CNTNAP2: variants seen among roughly 807,000 people sequenced by gnomAD.
CNTNAP2 encodes the protein contactin associated protein 2.
Under a neutral mutation model 155.2 loss-of-function variants are expected in CNTNAP2, and 98 were observed. The ratio of observed to expected loss-of-function variants is 0.63; its 90% CI spans 0.54 to 0.75. The LOEUF (loss-of-function observed/expected upper bound fraction) is 0.75, where lower values mean the gene tolerates loss of function less well. Ranked by LOEUF, CNTNAP2 falls within the 30% of genes least tolerant of loss-of-function variation. CNTNAP2 has a pLI of 0.00. For synonymous variants in CNTNAP2, 651 were observed against 631.2 expected, an observed-to-expected ratio of 1.03 and a Z score of -0.47; for missense variants, 1,727 against 1,688.1, an observed-to-expected ratio of 1.02 and a Z score of -0.40.
intron 18 of CNTNAP2, among the ~76,000 whole-genome samples, chr7:148,209,151 C>T (rs1421321584): frequency 6.6e-6 from 1 of 152,098 alleles, no homozygotes; most frequent in Non-Finnish European, 1.5e-5. Flanking sequence ...GTTGAAACAG[C>T]ATCTCACTCT....
intron 13 of CNTNAP2, among the ~76,000 whole-genome samples, chr7:147,757,616 C>CT (rs1204457928): frequency 3.2e-4 from 49 of 150,952 alleles, no homozygotes; most frequent in Middle Eastern, 3.4e-3. Context: ...TGTTTTTGTT[C>CT]TTTTTTTTTA....
At chr7:147,626,275 G>A (rs543740992) in intron 12 of CNTNAP2, among the ~76,000 whole-genome samples, 1 of 152,198 alleles carries the variant, frequency 6.6e-6, no homozygotes, top group South Asian at 2.1e-4. Context: ...TAGTGGGGAA[G>A]TCTATGTCCT....
At chr7:147,037,455 CTTTTTTT>C (rs941052179) in intron 3 of CNTNAP2, among the ~76,000 whole-genome samples, 5 of 134,662 alleles carry the variant, frequency 3.7e-5, no homozygotes, top group Non-Finnish European at 6.4e-5. Context: ...TTTTTTTTCC[CTTTTTTT>C]TTTTTTTTTT....
intron 21 of CNTNAP2, among the ~76,000 whole-genome samples, chr7:148,341,300 A>G (rs1331420087): frequency 6.6e-6 from 1 of 150,626 alleles, no homozygotes; most frequent in Non-Finnish European, 1.5e-5. Flanking sequence ...TTTTTTAATC[A>G]GTAGCTGAGC....
chr7:146,131,020 G>T (rs1364966066), intron 1 of CNTNAP2, among the ~76,000 whole-genome samples: 4 of 152,042 alleles, frequency 2.6e-5, no homozygotes, highest in Admixed American at 2.6e-4. Flanking sequence ...GATTTGGGTG[G>T]GTTCACAGAG....
intron 8 of CNTNAP2, among the ~76,000 whole-genome samples, chr7:147,172,279 A>C (rs1293597769): frequency 6.6e-6 from 1 of 152,172 alleles, no homozygotes; most frequent in Non-Finnish European, 1.5e-5. Flanking sequence ...AGGTTACCTA[A>C]ATCACATTTA....
intron 21 of CNTNAP2, among the ~76,000 whole-genome samples, chr7:148,343,111 CT>C (rs1466152530): frequency 6.6e-6 from 1 of 152,246 alleles, no homozygotes; most frequent in Non-Finnish European, 1.5e-5. Flanking sequence ...AATGAAGTGT[CT>C]GAGGTCCCCG....
At chr7:146,154,869 C>T (rs530405019) in intron 1 of CNTNAP2, among the ~76,000 whole-genome samples, 2 of 152,270 alleles carry the variant, frequency 1.3e-5, no homozygotes, top group Middle Eastern at 3.4e-3. Flanking sequence ...AGAGCCAAAA[C>T]AGAGAGTTTT....
intron 15 of CNTNAP2, among the ~76,000 whole-genome samples, chr7:148,018,529 A>G (rs1802221174): frequency 6.6e-6 from 1 of 152,254 alleles, no homozygotes; most frequent in African/African-American, 2.4e-5. Flanking sequence ...TGAAACAAGG[A>G]ATAAAATGGA....
At chr7:147,371,122 G>A (rs369524250) in intron 9 of CNTNAP2, among the ~76,000 whole-genome samples, 8 of 151,998 alleles carry the variant, frequency 5.3e-5, no homozygotes, top group Middle Eastern at 3.4e-3. Flanking sequence ...CAATCCAAAC[G>A]CCCTCCTATT....
intron 13 of CNTNAP2, among the ~76,000 whole-genome samples, chr7:147,679,161 C>A (rs1225574505): frequency 1.3e-5 from 2 of 151,910 alleles, no homozygotes; most frequent in East Asian, 3.9e-4. Flanking sequence ...AGTGTGATAA[C>A]TTAAGATGAC....
chr7:148,133,722 A>G (rs1259667042), intron 16 of CNTNAP2: 3 of 152,274 alleles, frequency 2.0e-5, no homozygotes, highest in Non-Finnish European at 4.4e-5. Context: ...ATGCACAGGG[A>G]CCAGGAAGGC....
At chr7:147,107,872 C>CA (rs1300861251) in intron 4 of CNTNAP2, among the ~76,000 whole-genome samples, 5 of 152,106 alleles carry the variant, frequency 3.3e-5, no homozygotes, top group Admixed American at 6.5e-5. Flanking sequence ...AGATTTGAAG[C>CA]ATATAACCCA....
chr7:146,134,272 CTT>C (rs1190588639), intron 1 of CNTNAP2, among the ~76,000 whole-genome samples: 3 of 148,850 alleles, frequency 2.0e-5, no homozygotes, highest in African/African-American at 7.3e-5. Flanking sequence ...TATCCTGAGA[CTT>C]TGCTGAAGTT....
intron 3 of CNTNAP2, among the ~76,000 whole-genome samples, chr7:146,961,169 C>T (rs1797551225): frequency 2.0e-5 from 3 of 152,164 alleles, no homozygotes. Flanking sequence ...GACCCGTGAA[C>T]CCATTTACAT....
intron 8 of CNTNAP2, among the ~76,000 whole-genome samples, chr7:147,212,741 G>T (rs183691177): frequency 6.6e-6 from 1 of 152,098 alleles, no homozygotes; most frequent in East Asian, 1.9e-4. Flanking sequence ...TAAAATTAAA[G>T]TTGAAATTAT....
intron 8 of CNTNAP2, among the ~76,000 whole-genome samples, chr7:147,237,218 A>C (rs1332203781): frequency 6.7e-6 from 1 of 149,060 alleles, no homozygotes; most frequent in Non-Finnish European, 1.5e-5. Context: ...GGCACATGCC[A>C]CCACACCAGG....
At chr7:146,446,528 C>G (rs1796404976) in intron 1 of CNTNAP2, among the ~76,000 whole-genome samples, 1 of 152,102 alleles carries the variant, frequency 6.6e-6, no homozygotes, top group Admixed American at 6.6e-5. Context: ...AAACAAATCC[C>G]TATTATTCTT....
At chr7:146,508,232 G>T (rs542604322) in intron 1 of CNTNAP2, among the ~76,000 whole-genome samples, 1 of 152,150 alleles carries the variant, frequency 6.6e-6, no homozygotes, top group Non-Finnish European at 1.5e-5. Flanking sequence ...GTAACCTGTC[G>T]GGGTTGTGGC....
Sources: allele counts gnomAD v4.1 joint callset (sites outside exome capture counted in the v4.1 genomes callset), GRCh38; gene constraint gnomAD v4.1.1; transcripts MANE v1.5; gene names NCBI Gene and HGNC (gene_info 2026-07-23, HGNC 2026-07-21).